The following CASZ1 variants were observed in gnomAD, a reference collection of about 807,000 sequenced individuals.
CASZ1 encodes zinc finger protein castor homolog 1.
In CASZ1, 28 loss-of-function variants were observed where a neutral mutation model predicts 135.2. The ratio of observed to expected loss-of-function variants is 0.21; its 90% CI spans 0.15 to 0.28. The LOEUF is 0.28. Among genes scored for constraint, CASZ1 ranks in the 10% least tolerant of loss-of-function variants. The pLI, the probability that CASZ1 is intolerant of heterozygous loss-of-function variation, is 1.00. For synonymous variants in CASZ1, 1,068 were observed against 1,073.4 expected (o/e 0.99, Z 0.10); for missense variants, 2,161 against 2,453.3 (o/e 0.88, Z 2.52).
chr1:10,764,409 A>G (rs1184334550), intron 1 of CASZ1, among the ~76,000 whole-genome samples: 1 of 152,268 alleles, frequency 6.6e-6, no homozygotes, highest in African/African-American at 2.4e-5. Flanking sequence ...CAATAGGCCA[A>G]AGTGAGAACT....
rs980596755 is a variant in CASZ1 at position 10,701,159 on chromosome 1, C to T, written c.-24+4333G>A. On this transcript the variant is annotated intron_variant, in intron 3 of 20. Transcript: ENST00000377022. The surrounding 1 kb of genome is among the most constrained non-coding windows in gnomAD (Gnocchi z 6.3). Reference sequence around the variant, plus strand: ...AGGTTGTCAAGGAGCTGAGCTGCCCCAGGTGTCTGGTGGGGCTCCTGGGCA... The same window carrying T: ...AGGTTGTCAAGGAGCTGAGCTGCCCTAGGTGTCTGGTGGGGCTCCTGGGCA... 6.6e-6 allele frequency among the ~76,000 whole-genome samples: 1 copy of T among 152,182 alleles called. No individual in the cohort carries two copies. Among genetic ancestry groups the T allele is most frequent in the Non-Finnish European group, 1.5e-5 (1 of 68,038 alleles).
rs1639069806 is a variant in CASZ1 at position 10,701,909 on chromosome 1, TC to T, written c.-24+3582del. Among the ~76,000 whole-genome samples the T allele has an allele frequency of 6.6e-6, 1 of 151,898 alleles. No individual in the cohort carries two copies. The highest frequency in any genetic ancestry group is 1.5e-5 in the Non-Finnish European group (1 of 67,960). The stretch of plus-strand genomic sequence containing the variant: ...CAAGCCAGGCCTCAGTTTCTCCACC[TC>T]CCCCGGCCCATCCCCCGTTGGGCTG... On this transcript the variant is annotated intron_variant, in intron 3 of 20. Transcript: ENST00000377022. The surrounding 1 kb of genome is among the most constrained non-coding windows in gnomAD (Gnocchi z 6.3).
chr1:10,777,901 T>C lies in CASZ1; in HGVS notation c.-233-17044A>G, dbSNP rs953068965. Among the ~76,000 whole-genome samples the C allele has an allele frequency of 1.3e-5, 2 of 150,784 alleles. No homozygotes were observed. The highest frequency in any genetic ancestry group is 2.0e-4 in the East Asian group (1 of 5,030). ...CACAATCACACAATTTCACACAAAA[T>C]CTCACACACAGGCACACACAGTCTT... On this transcript the variant is annotated intron_variant, in intron 1 of 20. Transcript: ENST00000377022. The surrounding 1 kb of genome is among the most constrained non-coding windows in gnomAD (Gnocchi z 4.4).
At chr1:10,753,561 C>T (rs1640188169) in intron 2 of CASZ1, among the ~76,000 whole-genome samples, 1 of 152,206 alleles carries the variant, frequency 6.6e-6, no homozygotes, top group Non-Finnish European at 1.5e-5. Context: ...GCGGATCGGT[C>T]CTGGAACAAC....
rs1640493270 is a variant in CASZ1, at chr1:10,767,225, C to T, written c.-233-6368G>A. Among the ~76,000 whole-genome samples the T allele has an allele frequency of 6.6e-6, 1 of 152,184 alleles. No homozygotes were observed. The highest frequency in any genetic ancestry group is 1.5e-5 in the Non-Finnish European group (1 of 68,026). On this transcript the variant is annotated intron_variant, in intron 1 of 20. Transcript: ENST00000377022. This position sits in a 1 kb window ranked among gnomAD's most constrained non-coding sequence, Gnocchi z 4.2. ...GTCCACATTCCTCATGAGTTCCTGC[C>T]CCAGTCCTGGCCCAGGAGATCAGCG... is the stretch of plus-strand genomic sequence containing the variant.
intron 13 of CASZ1, chr1:10,649,644 G>T: frequency 1.7e-6 from 1 of 587,588 alleles, no homozygotes; most frequent in South Asian, 2.4e-5. Context: ...CCCAGGAGCT[G>T]CGAGGCCTCC....
chr1:10,782,582 G>A (rs1311703812), intron 1 of CASZ1, among the ~76,000 whole-genome samples: 1 of 152,356 alleles, frequency 6.6e-6, no homozygotes, highest in South Asian at 2.1e-4. Flanking sequence ...AGCCCAGCAG[G>A]GTGGGGGCCG....
chr1:10,712,391 A>G (rs1257109522), intron 2 of CASZ1, among the ~76,000 whole-genome samples: 3 of 152,200 alleles, frequency 2.0e-5, no homozygotes, highest in Non-Finnish European at 4.4e-5. Flanking sequence ...ATAAAATAAA[A>G]TGGTTACAAT....
At chr1:10,678,758 T>A (rs1638319301) in intron 4 of CASZ1, among the ~76,000 whole-genome samples, 1 of 151,838 alleles carries the variant, frequency 6.6e-6, no homozygotes, top group African/African-American at 2.4e-5. Flanking sequence ...GTCACCCCCA[T>A]CCGTCCCCCG....
chr1:10,652,887 TGGA>T (rs1642641315), intron 11 of CASZ1: 1 of 173,730 alleles, frequency 5.8e-6, no homozygotes, highest in Non-Finnish European at 1.2e-5. Flanking sequence ...ATGGCACTCA[TGGA>T]GGAGGGAGCC....
chr1:10,741,336 A>G lies in CASZ1; in HGVS notation c.-77+19365T>C, dbSNP rs1471579007. Among the ~76,000 whole-genome samples, 1 of 152,196 alleles carries G rather than the reference A, an allele frequency of 6.6e-6. No homozygotes were observed. Among genetic ancestry groups the G allele is most frequent in the Non-Finnish European group, 1.5e-5 (1 of 68,046 alleles). ...CAGGGACTTGTTCAAAGAGGAAAAC[A>G]GCAAAGCAAAGCCTGGAAAAGAGCC... is the stretch of plus-strand genomic sequence containing the variant. On this transcript the variant is annotated intron_variant, in intron 2 of 20. Transcript: ENST00000377022. This position sits in a 1 kb window ranked among gnomAD's most constrained non-coding sequence, Gnocchi z 5.0.
intron 1 of CASZ1, among the ~76,000 whole-genome samples, chr1:10,781,165 G>C (rs971980969): frequency 1.8e-4 from 28 of 152,228 alleles, no homozygotes; most frequent in Admixed American, 1.8e-3. Context: ...TGGAGGGCGA[G>C]GAGGGGGCTC....
chr1:10,652,448 GAAT>G (rs1642625250), intron 11 of CASZ1: 1 of 152,276 alleles, frequency 6.6e-6, no homozygotes, highest in Admixed American at 6.5e-5. Context: ...AGTGGTTGTT[GAAT>G]GAATAAGTGA....
At chr1:10,667,995 C>T (rs1643288359) in intron 4 of CASZ1, among the ~76,000 whole-genome samples, 1 of 152,176 alleles carries the variant, frequency 6.6e-6, no homozygotes, top group African/African-American at 2.4e-5. Context: ...CACCTGCCCT[C>T]CAGCTGCCGC....
At chr1:10,782,606 GGACA>G (rs547866604) in intron 1 of CASZ1, among the ~76,000 whole-genome samples, 1 of 152,198 alleles carries the variant, frequency 6.6e-6, no homozygotes, top group South Asian at 2.1e-4. Flanking sequence ...GGGTCACCCG[GGACA>G]GACAGTCTCC....
At chr1:10,770,492 C>A (rs1640556625) in intron 1 of CASZ1, among the ~76,000 whole-genome samples, 1 of 152,110 alleles carries the variant, frequency 6.6e-6, no homozygotes, top group African/African-American at 2.4e-5. Context: ...GAGGTAATTC[C>A]TTTTTTCCCA....
At chr1:10,693,761 T>TC in intron 4 of CASZ1, 113 bp downstream of exon 4, 19 of 458,860 alleles carry the variant, frequency 4.1e-5, no homozygotes, top group East Asian at 2.5e-4. Context: ...CGCCCGACCC[T>TC]CCCGGCCCCC....
chr1:10,650,845 C>A (rs1642549723), intron 12 of CASZ1, 90 bp from the exon 13 acceptor site: 2 of 1,598,344 alleles, frequency 1.3e-6, no homozygotes, highest in East Asian at 4.5e-5. Context: ...GGGGCTCCAG[C>A]CGAGCCCGCT....
At chr1:10,758,278 CTG>C (rs1031719040) in intron 2 of CASZ1, among the ~76,000 whole-genome samples, 2 of 150,650 alleles carry the variant, frequency 1.3e-5, no homozygotes, top group African/African-American at 4.9e-5. Flanking sequence ...CTTGTCCACT[CTG>C]TTTGCTGGTG....
Sources: allele counts gnomAD v4.1 joint callset (sites outside exome capture counted in the v4.1 genomes callset), GRCh38; gene constraint gnomAD v4.1.1; non-coding constraint Gnocchi (gnomAD v3.1); transcripts MANE v1.5; gene names NCBI Gene and HGNC (gene_info 2026-07-23, HGNC 2026-07-21).